REXO1: variants seen among roughly 807,000 people sequenced by gnomAD.
The protein encoded by REXO1 is RNA exonuclease 1 homolog, also known as REX1, RNA exonuclease 1 homolog.
REXO1 carries 42 observed loss-of-function variants against 102.6 expected under a neutral mutation model. The observed-to-expected ratio is 0.41, with a 90% CI of 0.32 to 0.53. REXO1 has a LOEUF of 0.53. Among genes scored for constraint, REXO1 ranks in the 20% least tolerant of loss-of-function variants. The pLI, the probability that REXO1 is intolerant of heterozygous loss-of-function variation, is 0.27. For missense variants in REXO1, 1,819 were observed against 1,732.5 expected (o/e 1.05, Z -0.89); for synonymous variants, 908 against 779.1 (o/e 1.17, Z -2.76).
Position 1,824,127 on chromosome 19 carries a change from T to C in REXO1, c.2017-342A>G, listed in dbSNP as rs3192749. ...CTCAAAGCCCCTCCTCTGGGGAGGC[T>C]CTGGGACTGGAGCAACTGGGACTCT... is the stretch of plus-strand genomic sequence containing the variant. On this transcript the variant is annotated intron_variant, in intron 3 of 15. Coordinates refer to ENST00000170168, the MANE Select transcript of REXO1 (RefSeq NM_020695.4). The C allele has an allele frequency of 8.1e-5, 19 of 233,348 alleles. No individual in the cohort carries two copies. The South Asian group carries it at 3.0e-3, about 37-fold the overall frequency. 14.5% of individuals were successfully genotyped at this position (233,348 alleles called of 1,614,324 possible).
In REXO1 at chr19:1,819,038, G is replaced by A. The variant is rs762191643; in HGVS notation, c.2744C>T (p.Pro915Leu). ...CTTACCTTTCAGGTCCTCCACCCGG[G>A]GGCTGCTTGGACGGCTGAGCGAGAA... Reference protein sequence around the residue: ...TSFSLSRPSSPRVEDLKGAAL... With the variant: ...TSFSLSRPSSLRVEDLKGAAL... Residue 915 changes from proline (P) to leucine (L), a missense_variant, in exon 8 of 16, where the codon CCC (proline) becomes CTC (leucine). Pro to Leu is a moderately conservative substitution (Grantham distance 98). Transcript: ENST00000170168. 4.4e-6 allele frequency: 7 copies of A among 1,601,880 alleles called. No individual in the cohort carries two copies. The South Asian group carries it at 6.7e-5, about 15-fold the overall frequency.
intron 1 of REXO1, among the ~76,000 whole-genome samples, chr19:1,840,889 T>C (rs1241502393): frequency 6.6e-6 from 1 of 152,146 alleles, no homozygotes; most frequent in Non-Finnish European, 1.5e-5. Context: ...GGTGTGTGTG[T>C]CCAGGCTCAG....
chr19:1,843,886 C>T (rs2011415913), intron 1 of REXO1, among the ~76,000 whole-genome samples: 1 of 152,254 alleles, frequency 6.6e-6, no homozygotes, highest in African/African-American at 2.4e-5. Context: ...AGCTCCTGAC[C>T]CTCCTGAGAG....
intron 1 of REXO1, among the ~76,000 whole-genome samples, chr19:1,847,338 T>C (rs994722641): frequency 1.3e-5 from 2 of 152,202 alleles, no homozygotes; most frequent in African/African-American, 4.8e-5. Context: ...GTTTCATGGT[T>C]AAAGTAAAAA....
intron 5 of REXO1, 112 bp from the exon 6 acceptor site, chr19:1,820,507 G>C: frequency 1.6e-6 from 2 of 1,271,918 alleles, no homozygotes; most frequent in Non-Finnish European, 2.2e-6. Context: ...GAGGTGCGCT[G>C]GGACAGATCA....
rs190240983 is a variant in REXO1 at position 1,837,553 on chromosome 19, T to C, written c.158-8922A>G. ...ACCTCCACCACCCAGCAGCTTCCAA[T>C]ACCCTCTCTGAAATCCAAGGTGGCC... On this transcript the variant is annotated intron_variant, in intron 1 of 15. Coordinates refer to ENST00000170168, the MANE Select transcript of REXO1 (RefSeq NM_020695.4). Among the ~76,000 whole-genome samples the C allele has an allele frequency of 2.6e-5, 4 of 152,236 alleles. No homozygotes were observed. In the East Asian group the frequency reaches 7.7e-4, roughly 29 times the overall value.
At chr19:1,822,109 G>A in intron 4 of REXO1, 1 of 417,908 alleles carries the variant, frequency 2.4e-6, no homozygotes, top group African/African-American at 2.1e-5. Flanking sequence ...CAAACCAGAG[G>A]GAGGAGGCCA....
chr19:1,823,264 C>T (rs1030042971), intron 4 of REXO1: 14 of 356,394 alleles, frequency 3.9e-5, no homozygotes. Flanking sequence ...CCAGGTACCC[C>T]GACATGGCTC....
intron 4 of REXO1, chr19:1,822,043 T>G (rs1304429930): frequency 2.0e-6 from 1 of 504,656 alleles, no homozygotes; most frequent in African/African-American, 2.0e-5. Flanking sequence ...CACCTGCTCA[T>G]TGGCTTTGCC....
chr19:1,819,249 G>T (rs2069462986), intron 7 of REXO1, 118 bp from the exon 8 acceptor site: 2 of 740,780 alleles, frequency 2.7e-6, no homozygotes, highest in Non-Finnish European at 4.3e-6. Flanking sequence ...CCCCTTTCTG[G>T]GACAGCACCC....
intron 10 of REXO1, 53 bp downstream of exon 10, chr19:1,818,429 C>T: frequency 7.1e-7 from 1 of 1,404,414 alleles, no homozygotes; most frequent in Non-Finnish European, 9.8e-7. Context: ...AAGGGAGGGC[C>T]CAGGTTCCGG....
At chr19:1,821,780 G>A (rs760325165) in intron 4 of REXO1, 98 bp from the exon 5 acceptor site, 54 of 1,126,736 alleles carry the variant, frequency 4.8e-5, no homozygotes, top group Admixed American at 1.6e-4. Flanking sequence ...CCAGCAGCAC[G>A]TGCATCTCCG....
chr19:1,820,056 G>A lies in REXO1; in HGVS notation c.2528C>T (p.Ala843Val). The change falls in exon 7 of 16, where the codon GCA (alanine) becomes GTA (valine). Residue 843 changes from alanine (A) to valine (V), a missense_variant and splice_region_variant. Ala to Val is a moderately conservative substitution (Grantham distance 64). Coordinates refer to ENST00000170168, the MANE Select transcript of REXO1 (RefSeq NM_020695.4). ...ATAGGCCACCTTCTCCTCGTTCAGT[G>A]CCTGGGGGACAGGCGGTGCCCAGCT... is the stretch of plus-strand genomic sequence containing the variant. Reference protein sequence around the residue: ...CTSNQEAIEKALNEEKVAYDR... With the variant: ...CTSNQEAIEKVLNEEKVAYDR... 6.2e-7 allele frequency: 1 copy of A among 1,601,734 alleles called. No individual in the cohort carries two copies. The highest frequency in any genetic ancestry group is 8.5e-7 in the Non-Finnish European group (1 of 1,176,722).
At chr19:1,817,592 CG>C in intron 11 of REXO1, 114 bp downstream of exon 11, 1 of 1,440,690 alleles carries the variant, frequency 6.9e-7, no homozygotes, top group Non-Finnish European at 9.4e-7. Flanking sequence ...AAAGGCTGCC[CG>C]GGGGCCCAGA....
At position 1,817,157 on chromosome 19, in the gene REXO1, G is replaced by GATGGGGCA. The variant is rs1568678962; in HGVS notation, c.3201+61_3201+62insTGCCCCAT. On this transcript the variant is annotated intron_variant, in intron 12 of 15. Transcript: ENST00000170168. ...AGGCCCAGATGGGGCCAGATGGGGC[G>GATGGGGCA]GCCGCACCAGGCCAGGTCCTCCCCA... 314 of 701,782 alleles carry GATGGGGCA rather than the reference G, an allele frequency of 4.5e-4. 2 individuals are homozygous for GATGGGGCA. The South Asian group carries it at 5.0e-3, about 11-fold the overall frequency. 43.5% of individuals were successfully genotyped at this position (701,782 alleles called of 1,614,324 possible).
intron 1 of REXO1, among the ~76,000 whole-genome samples, chr19:1,844,513 G>A (rs1219204900): frequency 6.6e-6 from 1 of 152,160 alleles, no homozygotes; most frequent in East Asian, 1.9e-4. Flanking sequence ...CGGTGGGTGG[G>A]CTTCAGTAGA....
At chr19:1,839,361 C>A in intron 1 of REXO1, among the ~76,000 whole-genome samples, 1 of 152,208 alleles carries the variant, frequency 6.6e-6, no homozygotes, top group East Asian at 1.9e-4. Flanking sequence ...CCTGTGCTCC[C>A]CGTCAGGCAC....
chr19:1,816,248 A>G lies in REXO1; in HGVS notation c.3554T>C (p.Leu1185Pro), dbSNP rs1158430144. 6.3e-7 allele frequency: 1 copy of G among 1,589,278 alleles called. No homozygotes were observed. ...ACCATTGTCCTGGATGATCTGTCTG[A>G]GGTAGTCGGCCATGAGGTTCCGCAG... ...RSLRNLMADY[L>P]RQIIQDNVDG... Residue 1185 changes from leucine (L) to proline (P), a missense_variant, in exon 15 of 16, where the codon CTC becomes CCC. Coordinates refer to ENST00000170168, the MANE Select transcript of REXO1 (RefSeq NM_020695.4).
rs979928616 is a variant in REXO1 at position 1,820,204 on chromosome 19, G to A, written c.2526+60C>T. Reference sequence around the variant, plus strand: ...GGCTGAGAGGCCGGGGGATGTCTGGGGACCACCCTGGACCCCTAGTCCCCA... The same window carrying A: ...GGCTGAGAGGCCGGGGGATGTCTGGAGACCACCCTGGACCCCTAGTCCCCA... On this transcript the variant is annotated intron_variant, in intron 6 of 15. Transcript: ENST00000170168. 9.6e-6 allele frequency: 15 copies of A among 1,567,502 alleles called. No homozygotes were observed. The African/African-American group carries it at 2.1e-4, about 22-fold the overall frequency.
Sources: gnomAD v4.1 joint callset for allele counts (sites outside exome capture counted in the v4.1 genomes callset) on GRCh38, gnomAD v4.1.1 for gene constraint, MANE v1.5 for transcripts, NCBI Gene and HGNC (gene_info 2026-07-23, HGNC 2026-07-21) for gene names.